The following THSD7A variants were observed in gnomAD, a reference collection of about 807,000 sequenced individuals.
THSD7A encodes thrombospondin type 1 domain containing 7A.
Under a neutral mutation model 231.3 loss-of-function variants are expected in THSD7A, and 96 were observed. The ratio of observed to expected loss-of-function variants is 0.41; its 90% confidence interval spans 0.35 to 0.49. THSD7A has a LOEUF of 0.49. Ranked by LOEUF, THSD7A falls within the 20% of genes least tolerant of loss-of-function variation. The probability of loss-of-function intolerance (pLI) is 0.05; values close to 1 mark genes in which losing one functional copy is unlikely to be tolerated. For synonymous variants in THSD7A, 940 were observed against 743.3 expected (o/e 1.26, Z -4.30); for missense variants, 2,290 against 2,070.2 (o/e 1.11, Z -2.06).
chr7:11,774,525 C>G (rs963584361), intron 1 of THSD7A, among the ~76,000 whole-genome samples: 3 of 145,782 alleles, frequency 2.1e-5, no homozygotes, highest in Non-Finnish European at 4.5e-5. Flanking sequence ...CACACACACA[C>G]TCTGACACAA....
At chr7:11,770,870 T>C (rs62433414) in intron 1 of THSD7A, among the ~76,000 whole-genome samples, 30,777 of 151,914 alleles carry the variant, frequency 0.2, 3,430 homozygotes, top group African/African-American at 0.3. Flanking sequence ...ATCTTTTCAA[T>C]GTATTTTACT....
chr7:11,573,592 G>A (rs1790747031), intron 4 of THSD7A, among the ~76,000 whole-genome samples: 1 of 152,194 alleles, frequency 6.6e-6, no homozygotes, highest in Admixed American at 6.5e-5. Flanking sequence ...AAATTTTATA[G>A]TTGTTCTTAT....
In THSD7A at chr7:11,600,744, G is replaced by A. The variant is rs945896645; in HGVS notation, c.1023-7242C>T. Among the ~76,000 whole-genome samples, 3 of 152,154 alleles carry A rather than the reference G, an allele frequency of 2.0e-5. No homozygotes were observed. The East Asian group carries it at 5.8e-4, about 29-fold the overall frequency. On this transcript the variant is annotated intron_variant, in intron 2 of 27. Transcript: ENST00000423059. ...CATTCAGTTGCTATATTTAACTGTGGTAATCAACCATAGAGATGCTGGTCC... is the reference window on the plus strand; with the variant it reads ...CATTCAGTTGCTATATTTAACTGTGATAATCAACCATAGAGATGCTGGTCC...
chr7:11,454,320 T>A (rs1019510707), intron 11 of THSD7A, among the ~76,000 whole-genome samples: 1 of 151,926 alleles, frequency 6.6e-6, no homozygotes, highest in Non-Finnish European at 1.5e-5. Context: ...CAAAATTTCC[T>A]GGAATATAAC....
At chr7:11,773,706 CA>C (rs151048203) in intron 1 of THSD7A, among the ~76,000 whole-genome samples, 4,294 of 151,934 alleles carry the variant, frequency 0.028, 201 homozygotes, top group African/African-American at 0.098. Flanking sequence ...TTGTGGGGTA[CA>C]TTTTTTTTGA....
intron 23 of THSD7A, among the ~76,000 whole-genome samples, chr7:11,387,630 A>G (rs1782803604): frequency 6.6e-6 from 1 of 152,102 alleles, no homozygotes; most frequent in South Asian, 2.1e-4. Flanking sequence ...GGGTTTTCTA[A>G]ATATACAATC....
intron 7 of THSD7A, among the ~76,000 whole-genome samples, chr7:11,478,266 G>T (rs949508061): frequency 3.9e-5 from 6 of 152,208 alleles, no homozygotes; most frequent in Admixed American, 3.9e-4. Context: ...CCCCATACTG[G>T]GCTGGCCACC....
intron 1 of THSD7A, among the ~76,000 whole-genome samples, chr7:11,682,079 C>G (rs1179986225): frequency 6.6e-6 from 1 of 151,988 alleles, no homozygotes; most frequent in African/African-American, 2.4e-5. Flanking sequence ...TACCATCAGA[C>G]CAACCCTATA....
At chr7:11,565,702 T>C (rs955982449) in intron 4 of THSD7A, among the ~76,000 whole-genome samples, 2 of 152,198 alleles carry the variant, frequency 1.3e-5, no homozygotes, top group South Asian at 4.1e-4. Context: ...TCACATCGTT[T>C]CCTCTTGTTC....
At chr7:11,752,361 A>G (rs1429035389) in intron 1 of THSD7A, among the ~76,000 whole-genome samples, 1 of 151,846 alleles carries the variant, frequency 6.6e-6, no homozygotes, top group East Asian at 1.9e-4. Flanking sequence ...GTGCACCCCC[A>G]CATTTTTCTT....
chr7:11,578,656 G>GC (rs1395027679), intron 4 of THSD7A, among the ~76,000 whole-genome samples: 1 of 152,168 alleles, frequency 6.6e-6, no homozygotes, highest in African/African-American at 2.4e-5. Flanking sequence ...GGCTATACAG[G>GC]CTTTGGATAA....
At chr7:11,736,944 A>T (rs543891046) in intron 1 of THSD7A, among the ~76,000 whole-genome samples, 2 of 152,086 alleles carry the variant, frequency 1.3e-5, no homozygotes, top group South Asian at 4.1e-4. Flanking sequence ...CTCACGAGAT[A>T]TGATTTTTTA....
intron 4 of THSD7A, among the ~76,000 whole-genome samples, chr7:11,551,239 T>G (rs1789615310): frequency 6.6e-6 from 1 of 151,804 alleles, no homozygotes; most frequent in Non-Finnish European, 1.5e-5. Context: ...ACTATAAAAC[T>G]CTAGAAGAAA....
chr7:11,800,966 G>GT (rs1490518181), intron 1 of THSD7A, among the ~76,000 whole-genome samples: 25 of 152,226 alleles, frequency 1.6e-4, no homozygotes, highest in South Asian at 4.1e-4. Flanking sequence ...CTTGGTCAAA[G>GT]TGATGGTATC....
chr7:11,557,517 G>A (rs1458772088), intron 4 of THSD7A, among the ~76,000 whole-genome samples: 4 of 151,978 alleles, frequency 2.6e-5, no homozygotes, highest in Non-Finnish European at 5.9e-5. Context: ...CATAAGGAGT[G>A]ACTTTGATTG....
At chr7:11,383,154 T>C (rs1782591217) in intron 23 of THSD7A, among the ~76,000 whole-genome samples, 1 of 151,680 alleles carries the variant, frequency 6.6e-6, no homozygotes, top group South Asian at 2.1e-4. Context: ...CACACACACA[T>C]AATTACTATA....
At chr7:11,498,889 T>C (rs1018103627) in intron 6 of THSD7A, among the ~76,000 whole-genome samples, 3 of 151,934 alleles carry the variant, frequency 2.0e-5, no homozygotes, top group Admixed American at 6.5e-5. Flanking sequence ...AGCAGCCCTA[T>C]GGAAAAGTGG....
intron 4 of THSD7A, among the ~76,000 whole-genome samples, chr7:11,576,814 G>T (rs1790928788): frequency 1.3e-5 from 2 of 152,118 alleles, no homozygotes; most frequent in African/African-American, 2.4e-5. Flanking sequence ...TCTTTTATAA[G>T]AAGTAGATTT....
chr7:11,459,085 A>G (rs562993139), intron 11 of THSD7A, among the ~76,000 whole-genome samples: 1 of 152,234 alleles, frequency 6.6e-6, no homozygotes, highest in Admixed American at 6.5e-5. Flanking sequence ...TTATAAAGAT[A>G]TGGTTTTCAT....
Sources: allele counts gnomAD v4.1 joint callset (sites outside exome capture counted in the v4.1 genomes callset), GRCh38; gene constraint gnomAD v4.1.1; transcripts MANE v1.5; gene names NCBI Gene and HGNC (gene_info 2026-07-23, HGNC 2026-07-21).